Variants in ELF2 observed in about 807,000 individuals in gnomAD.
ELF2 encodes ETS-related transcription factor Elf-2.
In ELF2, 11 loss-of-function variants were observed where a neutral mutation model predicts 54.8. The observed-to-expected ratio is 0.20, with a 90% CI of 0.13 to 0.33. The LOEUF is 0.33. Among genes scored for constraint, ELF2 ranks in the 10% least tolerant of loss-of-function variants. The pLI is 1.00. For synonymous variants in ELF2, 203 were observed against 245.1 expected, an observed-to-expected ratio of 0.83 and a Z score of 1.61; for missense variants, 513 against 703.0, an observed-to-expected ratio of 0.73 and a Z score of 3.06.
intron 4 of ELF2, among the ~76,000 whole-genome samples, chr4:139,113,986 T>G (rs1735259222): frequency 6.6e-6 from 1 of 152,194 alleles, no homozygotes; most frequent in South Asian, 2.1e-4. Context: ...AAACATATAT[T>G]CAAGTGCACT....
intron 3 of ELF2, among the ~76,000 whole-genome samples, chr4:139,130,183 G>A (rs557790305): frequency 9.2e-5 from 14 of 151,736 alleles, no homozygotes; most frequent in African/African-American, 3.4e-4. Context: ...CAGAAGCTAG[G>A]AGAGAGGCAT....
At chr4:139,061,177 ATT>A (rs554564096) in intron 8 of ELF2, among the ~76,000 whole-genome samples, 27,717 of 139,620 alleles carry the variant, frequency 0.2, 3,203 homozygotes, top group East Asian at 0.45. Context: ...CAAACTGATA[ATT>A]TTTTTTTTTT....
At chr4:139,121,867 C>T (rs72949655) in intron 4 of ELF2, among the ~76,000 whole-genome samples, 3,567 of 152,268 alleles carry the variant, frequency 0.023, 90 homozygotes, top group South Asian at 0.14. Context: ...CAGTATTACA[C>T]ATAACCTCTG....
At chr4:139,070,815 A>G (rs1729405028) in intron 6 of ELF2, among the ~76,000 whole-genome samples, 1 of 152,222 alleles carries the variant, frequency 6.6e-6, no homozygotes, top group Non-Finnish European at 1.5e-5. Context: ...ACACTGTCTT[A>G]TTCTCATCTC....
chr4:139,083,052 G>A (rs573292147), intron 4 of ELF2, among the ~76,000 whole-genome samples: 13 of 152,258 alleles, frequency 8.5e-5, no homozygotes, highest in Non-Finnish European at 1.5e-4. Flanking sequence ...GCCCAGCGCG[G>A]GCCCGTAGTC....
intron 6 of ELF2, among the ~76,000 whole-genome samples, chr4:139,069,826 T>A (rs1172708175): frequency 6.6e-6 from 1 of 151,766 alleles, no homozygotes; most frequent in Admixed American, 6.6e-5. Context: ...TGGTAGTAAG[T>A]ACAGACAGAA....
At chr4:139,119,213 T>C (rs1736065462) in intron 4 of ELF2, among the ~76,000 whole-genome samples, 1 of 152,242 alleles carries the variant, frequency 6.6e-6, no homozygotes, top group African/African-American at 2.4e-5. Context: ...TTGGGAAAAA[T>C]CTATGAAATA....
At chr4:139,070,000 C>G (rs1729285154) in intron 6 of ELF2, among the ~76,000 whole-genome samples, 1 of 151,844 alleles carries the variant, frequency 6.6e-6, no homozygotes, top group Non-Finnish European at 1.5e-5. Context: ...GCCACCATAC[C>G]TGGCTAATTT....
intron 3 of ELF2, among the ~76,000 whole-genome samples, chr4:139,132,022 TAA>T (rs1560847349): frequency 6.6e-6 from 1 of 152,284 alleles, no homozygotes; most frequent in African/African-American, 2.4e-5. Context: ...CATATACATT[TAA>T]AAGTCTGGAA....
intron 1 of ELF2, among the ~76,000 whole-genome samples, chr4:139,160,109 G>A (rs996380188): frequency 6.6e-6 from 1 of 152,102 alleles, no homozygotes; most frequent in Non-Finnish European, 1.5e-5. Context: ...AGGCCAAGGC[G>A]GGCAGATCAC....
intron 1 of ELF2, among the ~76,000 whole-genome samples, chr4:139,161,675 A>C (rs557028942): frequency 6.7e-4 from 101 of 150,040 alleles, no homozygotes; most frequent in African/African-American, 2.3e-3. Flanking sequence ...AAAAAAAAAA[A>C]AAAACTCTGA....
chr4:139,058,333 A>G lies in ELF2; in HGVS notation c.*650T>C, dbSNP rs986591192. On this transcript the variant is annotated 3_prime_UTR_variant, in exon 10 of 10. Transcript: ENST00000686138. ...ACAAACAAGCCATTAGCTTATTTCA[A>G]GAAAGAAAATCGAAAATTAGTCTAA... 7.9e-5 allele frequency: 12 copies of G among 151,174 alleles called. No individual in the cohort carries two copies. The highest frequency in any genetic ancestry group is 1.3e-4 in the Non-Finnish European group (9 of 67,794). The allele number at this position is 151,174 out of a possible 1,614,324, so 9.4% of individuals were successfully genotyped here. A position where few individuals can be genotyped will look rare whatever the true frequency, so the allele number is the denominator to read the frequency against.
intron 1 of ELF2, among the ~76,000 whole-genome samples, chr4:139,145,445 G>C (rs909214703): frequency 1.3e-5 from 2 of 152,170 alleles, no homozygotes; most frequent in African/African-American, 4.8e-5. Context: ...AGGAGCAGCA[G>C]TACTCACAGT....
At chr4:139,144,538 A>G (rs1188983017) in intron 1 of ELF2, among the ~76,000 whole-genome samples, 1 of 148,038 alleles carries the variant, frequency 6.8e-6, no homozygotes, top group Non-Finnish European at 1.5e-5. Flanking sequence ...AGCTGTAACC[A>G]CAGACACAGA....
At position 139,085,332 on chromosome 4, in the gene ELF2, A is replaced by G. The variant is rs149013768; in HGVS notation, c.239-11765T>C. Among the ~76,000 whole-genome samples the G allele has an allele frequency of 2.6e-4, 40 of 152,370 alleles. 1 individual carries two copies. Among genetic ancestry groups the G allele is most frequent in the Admixed American group, 1.4e-3 (21 of 15,310 alleles). On this transcript the variant is annotated intron_variant, in intron 4 of 9. Coordinates refer to ENST00000686138, the MANE Select transcript of ELF2 (RefSeq NM_001331036.3). ...AAAGTTGTCTGCACACAAAACTTAC[A>G]TAAAGGAACAGTGCCTCCTACAGAG...
At chr4:139,162,846 C>T (rs1741311465) in intron 1 of ELF2, among the ~76,000 whole-genome samples, 1 of 152,084 alleles carries the variant, frequency 6.6e-6, no homozygotes, top group African/African-American at 2.4e-5. Flanking sequence ...CCTGCAATCC[C>T]AGCACTTTCA....
intron 3 of ELF2, among the ~76,000 whole-genome samples, chr4:139,132,915 C>T (rs749362400): frequency 4.2e-5 from 6 of 141,180 alleles, no homozygotes; most frequent in Admixed American, 1.5e-4. Flanking sequence ...GAGGGAGAGA[C>T]GAAGTCTTGC....
In ELF2 at chr4:139,059,185, C is replaced by A; in HGVS notation, c.1580G>T (p.Ser527Ile). 6.2e-7 allele frequency: 1 copy of A among 1,613,932 alleles called. No homozygotes were observed. The highest frequency in any genetic ancestry group is 8.5e-7 in the Non-Finnish European group (1 of 1,179,858). Residue 527 changes from serine (S) to isoleucine (I), a missense_variant, in exon 10 of 10, where the codon AGT (serine) becomes ATT (isoleucine). Ser to Ile is a moderately radical substitution (Grantham distance 142, BLOSUM62 -2). Coordinates refer to ENST00000686138, the MANE Select transcript of ELF2 (RefSeq NM_001331036.3). Reference protein sequence around the residue: ...ASGQTPPRVISAVIKGPEVKS... With the variant: ...ASGQTPPRVIIAVIKGPEVKS... ...AACCTCTGGCCCCTTTATGACTGCA[C>A]TGATAACTCGAGGAGGAGTCTGGCC...
intron 1 of ELF2, among the ~76,000 whole-genome samples, chr4:139,144,024 G>A (rs1738969454): frequency 6.6e-6 from 1 of 151,804 alleles, no homozygotes; most frequent in Non-Finnish European, 1.5e-5. Context: ...CACTTGGAAA[G>A]AAAAAATAGT....
Sources: gnomAD v4.1 joint callset for allele counts (sites outside exome capture counted in the v4.1 genomes callset) on GRCh38, gnomAD v4.1.1 for gene constraint, MANE v1.5 for transcripts, NCBI Gene and HGNC (gene_info 2026-07-23, HGNC 2026-07-21) for gene names.